SCLT1: variants seen among roughly 807,000 people sequenced by gnomAD.
The protein encoded by SCLT1 is sodium channel-associated protein 1.
SCLT1 carries 78 observed loss-of-function variants against 112.8 expected under a neutral mutation model. The observed-to-expected ratio is 0.69, with a 90% confidence interval of 0.58 to 0.83. The LOEUF (loss-of-function observed/expected upper bound fraction) is 0.83. Ranked by LOEUF, SCLT1 falls within the 40% of genes least tolerant of loss-of-function variation. SCLT1 has a pLI of 0.00. For synonymous variants in SCLT1, 257 were observed against 254.7 expected (o/e 1.01, Z -0.09); for missense variants, 747 against 770.4 (o/e 0.97, Z 0.36).
intron 4 of SCLT1, 47 bp downstream of exon 4, chr4:129,043,348 T>C: frequency 1.0e-6 from 1 of 995,862 alleles, no homozygotes; most frequent in Non-Finnish European, 1.5e-6. Context: ...TTACTTTTTA[T>C]TTTCATAATA....
intron 18 of SCLT1, among the ~76,000 whole-genome samples, chr4:128,925,389 C>A (rs1306363721): frequency 6.6e-6 from 1 of 151,912 alleles, no homozygotes; most frequent in Non-Finnish European, 1.5e-5. Flanking sequence ...GTCATCCAGG[C>A]TGGAGTGCAG....
rs141987976 is a variant in SCLT1 at position 129,081,783 on chromosome 4, C to T, written c.102+523G>A. On this transcript the variant is annotated intron_variant, in intron 2 of 20. Coordinates refer to ENST00000281142, the MANE Select transcript of SCLT1 (RefSeq NM_144643.4). Reference sequence around the variant, plus strand: ...AAAATGCATTTATGTAAAAGTAAAACACTCTTATTTGCTTCTATAGAGAGT... The same window carrying T: ...AAAATGCATTTATGTAAAAGTAAAATACTCTTATTTGCTTCTATAGAGAGT... Among the ~76,000 whole-genome samples the T allele has an allele frequency of 1.6e-3, 248 of 152,244 alleles. 2 individuals are homozygous for T. Among genetic ancestry groups the T allele is most frequent in the East Asian group, 0.014 (71 of 5,182 alleles).
intron 9 of SCLT1, among the ~76,000 whole-genome samples, chr4:128,976,753 A>G (rs1276564472): frequency 1.3e-5 from 2 of 152,232 alleles, no homozygotes; most frequent in Non-Finnish European, 2.9e-5. Flanking sequence ...AGGTATTTAA[A>G]GCAAGAATTG....
chr4:129,003,448 GAAAAA>G (rs1743704146), intron 6 of SCLT1, among the ~76,000 whole-genome samples: 1 of 140,424 alleles, frequency 7.1e-6, no homozygotes, highest in South Asian at 2.3e-4. Flanking sequence ...AAAAAAAAAA[GAAAAA>G]GAAAAAAAAG....
In SCLT1 at chr4:128,992,171, GT is replaced by G; in HGVS notation, c.681del (p.Lys227AsnfsTer7). On this transcript the variant is annotated frameshift_variant, in exon 9 of 21. Transcript: ENST00000281142. LOFTEE classifies it high-confidence loss of function. The stretch of plus-strand genomic sequence containing the variant: ...GAAACTCATTTTTGAAAATACCTAA[GT>G]TTTTTTCGGAGTTGTTCGATTATCA... ...QSVIIEQLRKKLRQAKLELRV... is the reference protein window; with the variant it reads ...QSVIIEQLRKXLRQAKLELRV... 3 of 1,578,460 alleles carry G rather than the reference GT, an allele frequency of 1.9e-6. No homozygotes were observed. The highest frequency in any genetic ancestry group is 1.7e-6 in the Non-Finnish European group (2 of 1,155,188).
intron 9 of SCLT1, among the ~76,000 whole-genome samples, chr4:128,986,637 G>A (rs1291433462): frequency 6.6e-6 from 1 of 152,130 alleles, no homozygotes; most frequent in African/African-American, 2.4e-5. Flanking sequence ...CACAGTAAAG[G>A]CACCAAGCAG....
intron 1 of SCLT1, among the ~76,000 whole-genome samples, chr4:129,084,647 C>G (rs1271722104): frequency 6.6e-6 from 1 of 152,144 alleles, no homozygotes; most frequent in African/African-American, 2.4e-5. Flanking sequence ...GTAACCAAAA[C>G]AGCATGGTAC....
intron 18 of SCLT1, among the ~76,000 whole-genome samples, chr4:128,919,150 T>C (rs74563230): frequency 0.016 from 2,410 of 152,014 alleles, 60 homozygotes; most frequent in African/African-American, 0.054. Context: ...ACATGGCACA[T>C]ACTCTAAAAT....
At chr4:128,917,097 G>C (rs1296615810) in intron 18 of SCLT1, among the ~76,000 whole-genome samples, 1 of 152,096 alleles carries the variant, frequency 6.6e-6, no homozygotes, top group Non-Finnish European at 1.5e-5. Context: ...GTTCACCATG[G>C]CGTCACCTGT....
chr4:129,044,517 CA>C (rs372891891), intron 2 of SCLT1, among the ~76,000 whole-genome samples: 119 of 149,846 alleles, frequency 7.9e-4, no homozygotes, highest in Admixed American at 1.4e-3. Flanking sequence ...AAAATGTAAT[CA>C]AAAAAAATCC....
chr4:129,042,346 C>T (rs1286691054), intron 4 of SCLT1, among the ~76,000 whole-genome samples: 1 of 152,108 alleles, frequency 6.6e-6, no homozygotes, highest in Non-Finnish European at 1.5e-5. Context: ...AAATATTAGG[C>T]ATACTCTAAA....
At chr4:128,900,573 C>T (rs142150550) in intron 18 of SCLT1, among the ~76,000 whole-genome samples, 5,614 of 152,140 alleles carry the variant, frequency 0.037, 322 homozygotes, top group African/African-American at 0.12. Context: ...CTATAAAAAC[C>T]CTAGAAGAAA....
intron 19 of SCLT1, among the ~76,000 whole-genome samples, chr4:128,890,341 T>C (rs1277069889): frequency 3.9e-5 from 6 of 152,282 alleles, no homozygotes; most frequent in Non-Finnish European, 7.4e-5. Context: ...GTATTTTAAA[T>C]TACTCATTAG....
intron 9 of SCLT1, among the ~76,000 whole-genome samples, chr4:128,977,017 T>C (rs946861925): frequency 1.3e-5 from 2 of 152,150 alleles, no homozygotes; most frequent in Non-Finnish European, 2.9e-5. Flanking sequence ...AATTTAAACC[T>C]GACATTTGTG....
chr4:129,026,970 C>G (rs367679112), intron 5 of SCLT1, among the ~76,000 whole-genome samples: 21 of 151,952 alleles, frequency 1.4e-4, no homozygotes, highest in South Asian at 1.0e-3. Context: ...ATAAATTCCT[C>G]GACACATACA....
intron 2 of SCLT1, among the ~76,000 whole-genome samples, chr4:129,077,723 T>C (rs747736697): frequency 1.1e-4 from 16 of 152,216 alleles, no homozygotes; most frequent in Admixed American, 3.3e-4. Flanking sequence ...CTAGCACTCC[T>C]GGATCCCACA....
chr4:129,073,724 A>G (rs1002236841), intron 2 of SCLT1, among the ~76,000 whole-genome samples: 2 of 152,202 alleles, frequency 1.3e-5, no homozygotes, highest in African/African-American at 4.8e-5. Context: ...TCAGAAAGTC[A>G]TTCTTTTAAA....
intron 2 of SCLT1, among the ~76,000 whole-genome samples, chr4:129,047,292 G>A (rs781192665): frequency 6.6e-6 from 1 of 151,992 alleles, no homozygotes; most frequent in Non-Finnish European, 1.5e-5. Flanking sequence ...AGAGTAGTTT[G>A]GGTAGAGATC....
intron 2 of SCLT1, among the ~76,000 whole-genome samples, chr4:129,079,172 C>G (rs1023856091): frequency 6.6e-6 from 1 of 152,126 alleles, no homozygotes; most frequent in Non-Finnish European, 1.5e-5. Context: ...ACTCCACCCT[C>G]GGCCCTTCCC....
Sources: allele counts gnomAD v4.1 joint callset (sites outside exome capture counted in the v4.1 genomes callset), GRCh38; gene constraint gnomAD v4.1.1; transcripts MANE v1.5; gene names NCBI Gene and HGNC (gene_info 2026-07-23, HGNC 2026-07-21).